Variants in COL20A1 observed in about 807,000 individuals in gnomAD.
The protein encoded by COL20A1 is collagen type XX alpha 1 chain, also known as collagen alpha-1(XX) chain.
Under a neutral mutation model 152.9 loss-of-function variants are expected in COL20A1, and 164 were observed. The observed-to-expected ratio is 1.07, with a 90% CI of 0.94 to 1.22. The LOEUF (loss-of-function observed/expected upper bound fraction) is 1.22. Ranked by LOEUF, COL20A1 falls within the 50% of genes most tolerant of loss-of-function variation. The pLI, the probability that COL20A1 is intolerant of heterozygous loss-of-function variation, is 0.00. For missense variants in COL20A1, 1,873 were observed against 1,744.8 expected (o/e 1.07, Z -1.31); for synonymous variants, 864 against 756.0 (o/e 1.14, Z -2.34).
intron 3 of COL20A1, among the ~76,000 whole-genome samples, chr20:63,304,298 TC>T: frequency 8.6e-6 from 1 of 116,152 alleles, no homozygotes; most frequent in South Asian, 3.7e-4. Flanking sequence ...CCTTCCTCCC[TC>T]CAGGTGTGCA....
Position 63,311,669 on chromosome 20 carries a change from T to C in COL20A1, c.1584T>C (p.Pro528=), listed in dbSNP as rs2068008052. ...AGGTGCTGCTGGATGGCCTGGAACCTGGCAGGGACTATGAGGTCTCGGTGC... is the reference window on the plus strand; with the variant it reads ...AGGTGCTGCTGGATGGCCTGGAACCCGGCAGGGACTATGAGGTCTCGGTGC... ...RPEVLLDGLE[P]GRDYEVSVQS... is the part of the protein sequence containing the mutation. Residue 528 remains proline, a synonymous_variant, in exon 13 of 36, where the codon CCT becomes CCC. Transcript: ENST00000358894. This position sits in a 1 kb window ranked among gnomAD's most constrained non-coding sequence, Gnocchi z 4.4. 1.2e-6 allele frequency: 2 copies of C among 1,607,654 alleles called. No homozygotes were observed. The highest frequency in any genetic ancestry group is 1.7e-6 in the Non-Finnish European group (2 of 1,179,148).
At position 63,333,481 on chromosome 20, in the gene COL20A1, C is replaced by T. The variant is rs2068358120; in HGVS notation, c.*2765C>T. The T allele has an allele frequency of 6.6e-6, 1 of 152,216 alleles. No homozygotes were observed. Among genetic ancestry groups the T allele is most frequent in the Non-Finnish European group, 1.5e-5 (1 of 68,058 alleles). The allele number at this position is 152,216 out of a possible 1,614,324, so 9.4% of individuals were successfully genotyped here. On this transcript the variant is annotated 3_prime_UTR_variant, in exon 36 of 36. Coordinates refer to ENST00000358894, the MANE Select transcript of COL20A1 (RefSeq NM_020882.4). Reference sequence around the variant, plus strand: ...GGGGCGTGCAGCCATGCGTATCTGACCTGCCCTCCCTAGGTCTGCAGGCAG... The same window carrying T: ...GGGGCGTGCAGCCATGCGTATCTGATCTGCCCTCCCTAGGTCTGCAGGCAG...
intron 3 of COL20A1, among the ~76,000 whole-genome samples, chr20:63,302,890 G>A (rs1372874136): frequency 6.6e-6 from 1 of 152,170 alleles, no homozygotes; most frequent in Non-Finnish European, 1.5e-5. Flanking sequence ...TTACATCCTG[G>A]AAGTTTGGTC....
intron 20 of COL20A1, 79 bp from the exon 21 acceptor site, chr20:63,316,474 T>A: frequency 8.2e-7 from 1 of 1,224,628 alleles, no homozygotes. Flanking sequence ...CCCTCTTGAG[T>A]CCCCGCTCCT....
chr20:63,306,775 A>C lies in COL20A1; in HGVS notation c.497-715A>C, dbSNP rs1283921065. Among the ~76,000 whole-genome samples, 1 of 152,224 alleles carries C rather than the reference A, an allele frequency of 6.6e-6. No individual in the cohort carries two copies. The highest frequency in any genetic ancestry group is 1.5e-5 in the Non-Finnish European group (1 of 68,026). Reference sequence around the variant, plus strand: ...CCATCAGACTGGGGTCCTCAGAAGCAGGATTCTACCTCCCCCGTCAGACTT... The same window carrying C: ...CCATCAGACTGGGGTCCTCAGAAGCCGGATTCTACCTCCCCCGTCAGACTT... On this transcript the variant is annotated intron_variant, in intron 5 of 35. Transcript: ENST00000358894. This position sits in a 1 kb window ranked among gnomAD's most constrained non-coding sequence, Gnocchi z 6.9.
Position 63,309,317 on chromosome 20 carries a change from C to T in COL20A1, c.941-16C>T. 1 of 1,448,430 alleles carries T rather than the reference C, an allele frequency of 6.9e-7. No individual in the cohort carries two copies. Among genetic ancestry groups the T allele is most frequent in the Non-Finnish European group, 9.1e-7 (1 of 1,093,964 alleles). The allele number at this position is 1,448,430 out of a possible 1,614,324, so 89.7% of individuals were successfully genotyped here. A position where few individuals can be genotyped will look rare whatever the true frequency, so the allele number is the denominator to read the frequency against. On this transcript the variant is annotated splice_polypyrimidine_tract_variant and intron_variant, in intron 8 of 35. Coordinates refer to ENST00000358894, the MANE Select transcript of COL20A1 (RefSeq NM_020882.4). ...ACCCCAGTGCAGGCCAACCCCACCT[C>T]CCTCCTCACGAGCAGGTGTGAAGAA... is the stretch of plus-strand genomic sequence containing the variant.
At chr20:63,323,533 G>A (rs1286586553) in intron 27 of COL20A1, among the ~76,000 whole-genome samples, 1 of 152,126 alleles carries the variant, frequency 6.6e-6, no homozygotes, top group East Asian at 1.9e-4. Context: ...TACAGCACTG[G>A]GGAGGACAGA....
At chr20:63,322,794 C>T (rs1382504546) in intron 27 of COL20A1, among the ~76,000 whole-genome samples, 3 of 152,260 alleles carry the variant, frequency 2.0e-5, no homozygotes, top group Non-Finnish European at 4.4e-5. Context: ...CCGACACCCA[C>T]CTCTCCCCCG....
chr20:63,320,002 G>C, intron 23 of COL20A1, 37 bp from the exon 24 acceptor site: 1 of 1,546,070 alleles, frequency 6.5e-7, no homozygotes, highest in Non-Finnish European at 8.7e-7. Flanking sequence ...CACCGGCCCC[G>C]CCTGGGCTGT....
chr20:63,326,830 G>C lies in COL20A1; in HGVS notation c.3528+7G>C. The C allele has an allele frequency of 6.7e-7, 1 of 1,495,552 alleles. No individual in the cohort carries two copies. The highest frequency in any genetic ancestry group is 8.8e-7 in the Non-Finnish European group (1 of 1,133,694). The allele number at this position is 1,495,552 out of a possible 1,614,324, so 92.6% of individuals were successfully genotyped here. ...AGGGACCGTGGGGCCCACAGTAAGT[G>C]CATTTCCAACACCCACCAGCCAACC... On this transcript the variant is annotated splice_region_variant and intron_variant, in intron 31 of 35. Coordinates refer to ENST00000358894, the MANE Select transcript of COL20A1 (RefSeq NM_020882.4).
rs1337259943 is a variant in COL20A1 at position 63,333,374 on chromosome 20, G to A, written c.*2658G>A. Reference sequence around the variant, plus strand: ...ATCTGACGCTCAGCTCAGGCCGCTGGGGTCATGGGGGTTGTGGGAAGGTCA... The same window carrying A: ...ATCTGACGCTCAGCTCAGGCCGCTGAGGTCATGGGGGTTGTGGGAAGGTCA... On this transcript the variant is annotated 3_prime_UTR_variant, in exon 36 of 36. Transcript: ENST00000358894. 6.6e-6 allele frequency: 1 copy of A among 152,348 alleles called. No individual in the cohort carries two copies. The highest frequency in any genetic ancestry group is 2.4e-5 in the African/African-American group (1 of 41,434). The allele number at this position is 152,348 out of a possible 1,614,324, so 9.4% of individuals were successfully genotyped here.
chr20:63,298,683 G>A (rs2067829833), intron 3 of COL20A1, among the ~76,000 whole-genome samples: 1 of 152,174 alleles, frequency 6.6e-6, no homozygotes, highest in Non-Finnish European at 1.5e-5. Context: ...AACCCCAGAA[G>A]CACCTGCTCC....
chr20:63,325,336 CCCAGGGCCGTGCAGT>C (rs756618141), intron 27 of COL20A1, 90 bp from the exon 28 acceptor site: 11 of 892,580 alleles, frequency 1.2e-5, no homozygotes, highest in Non-Finnish European at 1.9e-5. Context: ...TCGCCGGGGA[CCCAGGGCCGTGCAGT>C]CCAGGGGCCT....
chr20:63,300,976 T>C (rs2067856054), intron 3 of COL20A1, among the ~76,000 whole-genome samples: 1 of 152,230 alleles, frequency 6.6e-6, no homozygotes, highest in Admixed American at 6.5e-5. Flanking sequence ...TCTTCCTTCA[T>C]TGCATTGTGG....
At chr20:63,314,863 G>C (rs2068064690) in intron 19 of COL20A1, among the ~76,000 whole-genome samples, 2 of 131,034 alleles carry the variant, frequency 1.5e-5, no homozygotes, top group East Asian at 2.0e-4. Flanking sequence ...CTGGACCCCA[G>C]GACACGCGTG....
chr20:63,321,295 T>C (rs2068159456), intron 26 of COL20A1, among the ~76,000 whole-genome samples, 196 bp downstream of exon 26: 1 of 152,112 alleles, frequency 6.6e-6, no homozygotes, highest in South Asian at 2.1e-4. Context: ...CCCAGCCCCT[T>C]CCTTCCCCCA....
chr20:63,323,127 C>A (rs556920844), intron 27 of COL20A1, among the ~76,000 whole-genome samples: 1 of 152,398 alleles, frequency 6.6e-6, no homozygotes, highest in Non-Finnish European at 1.5e-5. Context: ...AAATGCATTT[C>A]TCTTCCAAGC....
At position 63,328,442 on chromosome 20, in the gene COL20A1, G is replaced by A. The variant is rs758247629; in HGVS notation, c.3725G>A (p.Ser1242Asn). The A allele has an allele frequency of 5.6e-6, 9 of 1,612,418 alleles. No individual in the cohort carries two copies. The highest frequency in any genetic ancestry group is 7.6e-6 in the Non-Finnish European group (9 of 1,179,726). The change falls in exon 34 of 36, where the codon AGC (serine) becomes AAC (asparagine). Residue 1242 changes from serine (S) to asparagine (N), a missense_variant. Coordinates refer to ENST00000358894, the MANE Select transcript of COL20A1 (RefSeq NM_020882.4). ...TEPLGSPGTRSKALVPGEWGR... is the reference protein window; with the variant it reads ...TEPLGSPGTRNKALVPGEWGR... Reference sequence around the variant, plus strand: ...CCCCTGGGGTCCCCTGGCACCCGCAGCAAGGCCCTGGTTCCTGGAGAATGG... The same window carrying A: ...CCCCTGGGGTCCCCTGGCACCCGCAACAAGGCCCTGGTTCCTGGAGAATGG...
intron 24 of COL20A1, 38 bp downstream of exon 24, chr20:63,320,235 TG>T (rs1180989117): frequency 5.6e-6 from 9 of 1,603,398 alleles, no homozygotes; most frequent in Admixed American, 1.7e-5. Context: ...GCCACGCTGG[TG>T]GGGGCTGGCA....
Sources: gnomAD v4.1 joint callset for allele counts (sites outside exome capture counted in the v4.1 genomes callset) on GRCh38, gnomAD v4.1.1 for gene constraint, Gnocchi (gnomAD v3.1) non-coding constraint, MANE v1.5 for transcripts, NCBI Gene and HGNC (gene_info 2026-07-23, HGNC 2026-07-21) for gene names.